CHCHD3: variants seen among roughly 807,000 people sequenced by gnomAD.
CHCHD3 encodes the protein MICOS complex subunit MIC19.
In CHCHD3, 20 loss-of-function variants were observed where a neutral mutation model predicts 38.2. That is an observed-to-expected ratio of 0.52 (90% CI 0.37 to 0.76). CHCHD3 has a LOEUF of 0.76. Ranked by LOEUF, CHCHD3 falls within the 30% of genes least tolerant of loss-of-function variation. The pLI is 0.00. For synonymous variants in CHCHD3, 82 were observed against 100.0 expected (o/e 0.82, Z 1.07); for missense variants, 245 against 279.2 (o/e 0.88, Z 0.87).
At chr7:132,818,670 A>G (rs1807267491) in intron 6 of CHCHD3, among the ~76,000 whole-genome samples, 2 of 152,330 alleles carry the variant, frequency 1.3e-5, no homozygotes, top group Non-Finnish European at 1.5e-5. Flanking sequence ...ATCTGTCTAC[A>G]TGAACAGAAG....
intron 5 of CHCHD3, among the ~76,000 whole-genome samples, chr7:132,881,650 T>C (rs1809060636): frequency 6.6e-6 from 1 of 152,192 alleles, no homozygotes; most frequent in Admixed American, 6.5e-5. Context: ...TGTGCTTATG[T>C]CCACTTTTAA....
At chr7:132,942,411 T>C (rs1810792115) in intron 4 of CHCHD3, among the ~76,000 whole-genome samples, 1 of 152,186 alleles carries the variant, frequency 6.6e-6, no homozygotes, top group Non-Finnish European at 1.5e-5. Context: ...ACTGAGCATG[T>C]ATCCTACCCA....
chr7:132,839,019 C>T (rs1414419622), intron 5 of CHCHD3, among the ~76,000 whole-genome samples: 4 of 151,808 alleles, frequency 2.6e-5, no homozygotes, highest in South Asian at 2.1e-4. Context: ...GGAGAAACCA[C>T]GTCTCTACTT....
chr7:133,054,723 T>C (rs1814265066), intron 2 of CHCHD3, among the ~76,000 whole-genome samples: 1 of 152,166 alleles, frequency 6.6e-6, no homozygotes, highest in East Asian at 1.9e-4. Flanking sequence ...CCACTTCTGC[T>C]CTTTATACAT....
chr7:132,962,006 C>A (rs79160126), intron 4 of CHCHD3, among the ~76,000 whole-genome samples: 1 of 152,174 alleles, frequency 6.6e-6, no homozygotes, highest in Admixed American at 6.5e-5. Flanking sequence ...CCAACAAACA[C>A]GTATTAGCAG....
rs569225813 is a variant in CHCHD3, at chr7:132,914,585, T to G, written c.370-28840A>C. On this transcript the variant is annotated intron_variant, in intron 4 of 7. Coordinates refer to ENST00000262570, the MANE Select transcript of CHCHD3 (RefSeq NM_017812.4). ...TTTATTTGTTGTGGTAGACAACTCCTAAAATTCAAAGAAATATAAAAACAC... is the reference window on the plus strand; with the variant it reads ...TTTATTTGTTGTGGTAGACAACTCCGAAAATTCAAAGAAATATAAAAACAC... Among the ~76,000 whole-genome samples the G allele has an allele frequency of 2.0e-5, 3 of 152,326 alleles. No individual in the cohort carries two copies. The South Asian group carries it at 6.2e-4, about 32-fold the overall frequency.
intron 4 of CHCHD3, among the ~76,000 whole-genome samples, chr7:132,963,607 C>T (rs1236473793): frequency 3.4e-5 from 5 of 145,970 alleles, no homozygotes; most frequent in Admixed American, 1.4e-4. Context: ...CCAGCCTGGG[C>T]GATACAGTGA....
intron 5 of CHCHD3, among the ~76,000 whole-genome samples, chr7:132,854,562 A>G (rs1808299749): frequency 6.6e-6 from 1 of 152,156 alleles, no homozygotes; most frequent in African/African-American, 2.4e-5. Context: ...TACAGATGAG[A>G]GAGTGGGGAT....
intron 4 of CHCHD3, among the ~76,000 whole-genome samples, chr7:132,951,749 C>T (rs896250484): frequency 2.6e-5 from 4 of 152,206 alleles, no homozygotes; most frequent in African/African-American, 9.6e-5. Flanking sequence ...AAAGTGCTTG[C>T]TTATATTAAT....
intron 2 of CHCHD3, chr7:133,052,204 C>T (rs2117503038): frequency 6.6e-6 from 1 of 152,344 alleles, no homozygotes; most frequent in African/African-American, 2.4e-5. Flanking sequence ...TGCCTCTGTG[C>T]TAACCATTCT....
chr7:132,831,072 C>T (rs958334021), intron 6 of CHCHD3, among the ~76,000 whole-genome samples: 1 of 152,182 alleles, frequency 6.6e-6, no homozygotes, highest in African/African-American at 2.4e-5. Context: ...CAAATCCTTG[C>T]CTGAAGCCCT....
intron 7 of CHCHD3, among the ~76,000 whole-genome samples, chr7:132,795,488 A>G (rs1447590439): frequency 6.6e-6 from 1 of 152,238 alleles, no homozygotes; most frequent in African/African-American, 2.4e-5. Flanking sequence ...TCTTGATTAT[A>G]TTCTTTCCAC....
In CHCHD3 at chr7:132,860,920, G is replaced by A. The variant is rs190172878; in HGVS notation, c.454-22451C>T. Among the ~76,000 whole-genome samples, 8 of 152,242 alleles carry A rather than the reference G, an allele frequency of 5.3e-5. No homozygotes were observed. In the East Asian group the frequency reaches 9.6e-4, roughly 18 times the overall value. ...AATACAGGCGTGAGCCACCACTCCC[G>A]GCCCAGACTCAAGTTCTTAAAAAAC... On this transcript the variant is annotated intron_variant, in intron 5 of 7. Transcript: ENST00000262570.
chr7:132,968,104 C>T (rs1315650218), intron 4 of CHCHD3, among the ~76,000 whole-genome samples: 2 of 152,176 alleles, frequency 1.3e-5, no homozygotes, highest in African/African-American at 4.8e-5. Context: ...ACAGTCTCTT[C>T]ATAAGGTTGT....
chr7:132,835,996 C>T (rs1488362347), intron 6 of CHCHD3, among the ~76,000 whole-genome samples: 1 of 152,158 alleles, frequency 6.6e-6, no homozygotes, highest in Non-Finnish European at 1.5e-5. Flanking sequence ...GTCACCTTGA[C>T]CTTAGACTTC....
In CHCHD3 at chr7:133,035,291, A is replaced by T; in HGVS notation, c.170-10664T>A. 1 of 1,611,464 alleles carries T rather than the reference A, an allele frequency of 6.2e-7. No individual in the cohort carries two copies. The highest frequency in any genetic ancestry group is 1.7e-5 in the Admixed American group (1 of 59,974). On this transcript the variant is annotated intron_variant, in intron 2 of 7. Coordinates refer to ENST00000262570, the MANE Select transcript of CHCHD3 (RefSeq NM_017812.4). The surrounding 1 kb of genome is among the most constrained non-coding windows in gnomAD (Gnocchi z 4.7). ...TAGCATCAAACTGGGCCATCTTCTC[A>T]CACAGTTTCAGTTCCCCCAAGACAG...
intron 3 of CHCHD3, among the ~76,000 whole-genome samples, chr7:132,997,852 T>C (rs1812467328): frequency 1.3e-5 from 2 of 152,182 alleles, no homozygotes; most frequent in Admixed American, 6.6e-5. Flanking sequence ...ATGGCTATCA[T>C]GGAGATCTGA....
At chr7:133,005,388 G>T (rs1224233466) in intron 3 of CHCHD3, among the ~76,000 whole-genome samples, 1 of 152,096 alleles carries the variant, frequency 6.6e-6, no homozygotes. Flanking sequence ...ATTAGTGTGG[G>T]ATCAAGAAAA....
At chr7:133,074,106 G>A (rs774413112) in intron 1 of CHCHD3, among the ~76,000 whole-genome samples, 2 of 152,196 alleles carry the variant, frequency 1.3e-5, no homozygotes, top group Non-Finnish European at 2.9e-5. Flanking sequence ...CTCAATGAAA[G>A]AACAGGAATT....
Sources: allele counts gnomAD v4.1 joint callset (sites outside exome capture counted in the v4.1 genomes callset), GRCh38; gene constraint gnomAD v4.1.1; non-coding constraint Gnocchi (gnomAD v3.1); transcripts MANE v1.5; gene names NCBI Gene and HGNC (gene_info 2026-07-23, HGNC 2026-07-21).